Variants in SPOUT1 observed in about 807,000 individuals in gnomAD.
The protein encoded by SPOUT1 is 28S rRNA (uridine-N(3))-methyltransferase.
A neutral mutation model predicts 54.8 loss-of-function variants in SPOUT1; 40 were observed. The observed-to-expected ratio is 0.73, with a 90% CI of 0.57 to 0.95. SPOUT1 has a LOEUF of 0.95. Among genes scored for constraint, SPOUT1 ranks in the 40% least tolerant of loss-of-function variants. The probability of loss-of-function intolerance (pLI) is 0.00; values close to 1 mark genes in which losing one functional copy is unlikely to be tolerated. For missense variants in SPOUT1, 437 were observed against 499.5 expected, an observed-to-expected ratio of 0.87 and a Z score of 1.19; for synonymous variants, 193 against 200.3, an observed-to-expected ratio of 0.96 and a Z score of 0.31.
rs761693429 is a variant in SPOUT1 at position 128,822,399 on chromosome 9, ACTT to A, written c.*363_*365del. 1.9e-6 allele frequency: 3 copies of A among 1,612,746 alleles called. No individual in the cohort carries two copies. Among genetic ancestry groups the A allele is most frequent in the Non-Finnish European group, 2.5e-6 (3 of 1,179,524 alleles). On this transcript the variant is annotated 3_prime_UTR_variant, in exon 12 of 12. Coordinates refer to ENST00000361256, the MANE Select transcript of SPOUT1 (RefSeq NM_016390.4). ...AAGAACCACGTGGCAGTGCCCACAC[ACTT>A]CTTCAAGGTGCTGATCCTGGAGGCA...
Position 128,823,684 on chromosome 9 carries a change from C to T in SPOUT1, c.1062+63G>A. 6 of 1,468,086 alleles carry T rather than the reference C, an allele frequency of 4.1e-6. No homozygotes were observed. The Middle Eastern group carries it at 7.1e-4, about 175-fold the overall frequency. The allele number at this position is 1,468,086 out of a possible 1,614,324, so 90.9% of individuals were successfully genotyped here. A position where few individuals can be genotyped will look rare whatever the true frequency, so the allele number is the denominator to read the frequency against. On this transcript the variant is annotated intron_variant, in intron 11 of 11. Coordinates refer to ENST00000361256, the MANE Select transcript of SPOUT1 (RefSeq NM_016390.4). ...GGTGGGTGACAGGGCAAGAGTAGCA[C>T]CCGCCCCTCGGACAGATCCCAAGGC...
At position 128,820,738 on chromosome 9, in the gene SPOUT1, G is replaced by C. The variant is rs535536814; in HGVS notation, c.*2027C>G. The C allele has an allele frequency of 1.2e-5, 20 of 1,607,762 alleles. No homozygotes were observed. Among genetic ancestry groups the C allele is most frequent in the Non-Finnish European group, 1.6e-5 (19 of 1,176,850 alleles). On this transcript the variant is annotated 3_prime_UTR_variant, in exon 12 of 12. Transcript: ENST00000361256. ...CTGCTAAGCCCTATCTCTCCTACCA[G>C]GTGCCCCACCTCAACCAGAATGCCT... is the stretch of plus-strand genomic sequence containing the variant.
chr9:128,823,653 G>T, intron 11 of SPOUT1, 94 bp downstream of exon 11: 1 of 1,192,828 alleles, frequency 8.4e-7, no homozygotes, highest in Non-Finnish European at 1.2e-6. Context: ...GGCAGCCACG[G>T]GCAAGGGTGG....
Position 128,821,751 on chromosome 9 carries a change from C to A in SPOUT1, c.*1014G>T, listed in dbSNP as rs1196433183. ...GGTGCTGTGGGCAAATGACCTGTGT[C>A]CCCCTCTGCAAAACCTGTGACCTCT... On this transcript the variant is annotated 3_prime_UTR_variant, in exon 12 of 12. Transcript: ENST00000361256. 1.2e-5 allele frequency: 2 copies of A among 162,886 alleles called. No homozygotes were observed. The highest frequency in any genetic ancestry group is 4.8e-5 in the African/African-American group (2 of 41,506). The allele number at this position is 162,886 out of a possible 1,614,324, so 10.1% of individuals were successfully genotyped here. A position where few individuals can be genotyped will look rare whatever the true frequency, so the allele number is the denominator to read the frequency against.
chr9:128,820,627 G>A lies in SPOUT1; in HGVS notation c.*2138C>T, dbSNP rs1486945942. On this transcript the variant is annotated 3_prime_UTR_variant, in exon 12 of 12. Coordinates refer to ENST00000361256, the MANE Select transcript of SPOUT1 (RefSeq NM_016390.4). ...CTTGAGCCTCAGTTTCCCCCCGCTT[G>A]TCTCACTGGATATCTCTGAGCCTGT... The A allele has an allele frequency of 3.6e-6, 3 of 844,378 alleles. No individual in the cohort carries two copies. The highest frequency in any genetic ancestry group is 5.7e-6 in the Non-Finnish European group (3 of 526,232). The allele number at this position is 844,378 out of a possible 1,614,324, so 52.3% of individuals were successfully genotyped here.
chr9:128,826,632 GGA>G lies in SPOUT1; in HGVS notation c.369-5_369-4del, dbSNP rs753453349. The G allele has an allele frequency of 7.7e-5, 118 of 1,542,106 alleles. No individual in the cohort carries two copies. Among genetic ancestry groups the G allele is most frequent in the Middle Eastern group, 3.5e-4 (2 of 5,756 alleles). On this transcript the variant is annotated splice_region_variant and splice_polypyrimidine_tract_variant and intron_variant, in intron 4 of 11. Coordinates refer to ENST00000361256, the MANE Select transcript of SPOUT1 (RefSeq NM_016390.4). This position sits in a 1 kb window ranked among gnomAD's most constrained non-coding sequence, Gnocchi z 5.5. ...CTGTGAATTCCCCCTCCACAGTCCT[GGA>G]GAGAGAGAGATGGGGGCTCAGGATC...
chr9:128,824,165 AAC>A lies in SPOUT1; in HGVS notation c.819_820del (p.Phe274CysfsTer2), dbSNP rs1488794080. 6.2e-7 allele frequency: 1 copy of A among 1,610,880 alleles called. No homozygotes were observed. The highest frequency in any genetic ancestry group is 8.5e-7 in the Non-Finnish European group (1 of 1,177,790). ...CCCATCTTGGAAGGGGGCCTCAGCA[AAC>A]ACAGCACCTGGGGGTGGGGCCAGCT... On this transcript the variant is annotated frameshift_variant, in exon 10 of 12. Coordinates refer to ENST00000361256, the MANE Select transcript of SPOUT1 (RefSeq NM_016390.4). LOFTEE classifies it high-confidence loss of function.
At chr9:128,828,334 A>G (rs535686881) in intron 3 of SPOUT1, among the ~76,000 whole-genome samples, 2 of 152,248 alleles carry the variant, frequency 1.3e-5, no homozygotes, top group East Asian at 3.9e-4. Flanking sequence ...CGTCTCTACT[A>G]AAAATACGAA....
rs1439316007 is a variant in SPOUT1 at position 128,827,021 on chromosome 9, T to C, written c.368+11A>G. On this transcript the variant is annotated intron_variant, in intron 4 of 11. Coordinates refer to ENST00000361256, the MANE Select transcript of SPOUT1 (RefSeq NM_016390.4). ...CCCTGAACCCTGGCACCCTGTGGGA[T>C]GGCCCCTTACTTGGCATCCTGGCCC... is the stretch of plus-strand genomic sequence containing the variant. 6.2e-7 allele frequency: 1 copy of C among 1,612,786 alleles called. No individual in the cohort carries two copies. The highest frequency in any genetic ancestry group is 1.7e-5 in the Admixed American group (1 of 59,960).
In SPOUT1 at chr9:128,824,827, G is replaced by A. The variant is rs1310106618; in HGVS notation, c.755C>T (p.Pro252Leu). 6.2e-7 allele frequency: 1 copy of A among 1,614,012 alleles called. No homozygotes were observed. The highest frequency in any genetic ancestry group is 8.5e-7 in the Non-Finnish European group (1 of 1,180,008). Reference protein sequence around the residue: ...YHGKVVSSQDPRTKAGLYWGY... With the variant: ...YHGKVVSSQDLRTKAGLYWGY... ...CCAGTAGAGACCAGCTTTGGTGCGA[G>A]GGTCCTGCGATGATACCACTTTGCC... Residue 252 changes from proline to leucine, a missense_variant, in exon 9 of 12, where the codon CCT becomes CTT. Pro to Leu is a moderately conservative substitution (Grantham distance 98). Transcript: ENST00000361256.
At position 128,829,733 on chromosome 9, in the gene SPOUT1, G is replaced by A. The variant is rs1365151293; in HGVS notation, c.36+12C>T. On this transcript the variant is annotated intron_variant, in intron 1 of 11. Transcript: ENST00000361256. ...ATGCTGCCCTGCACGGGGTCCCGCC[G>A]CCCGCACTTACCGGGCCGCACGGCC... 2.5e-6 allele frequency: 4 copies of A among 1,594,134 alleles called. No homozygotes were observed. In the Admixed American group the frequency reaches 7.0e-5, roughly 28 times the overall value.
Position 128,826,633 on chromosome 9 carries a change from G to A in SPOUT1, c.369-4C>T, listed in dbSNP as rs753703372. The A allele has an allele frequency of 1.3e-6, 2 of 1,519,560 alleles. No individual in the cohort carries two copies. Among genetic ancestry groups the A allele is most frequent in the Non-Finnish European group, 1.8e-6 (2 of 1,124,974 alleles). The allele number at this position is 1,519,560 out of a possible 1,614,324, so 94.1% of individuals were successfully genotyped here. A position where few individuals can be genotyped will look rare whatever the true frequency, so the allele number is the denominator to read the frequency against. On this transcript the variant is annotated splice_polypyrimidine_tract_variant and splice_region_variant and intron_variant, in intron 4 of 11. Coordinates refer to ENST00000361256, the MANE Select transcript of SPOUT1 (RefSeq NM_016390.4). The surrounding 1 kb of genome is among the most constrained non-coding windows in gnomAD (Gnocchi z 5.5). ...TGTGAATTCCCCCTCCACAGTCCTG[G>A]AGAGAGAGAGATGGGGGCTCAGGAT...
At chr9:128,827,626 T>C (rs1162861792) in intron 3 of SPOUT1, among the ~76,000 whole-genome samples, 1 of 152,236 alleles carries the variant, frequency 6.6e-6, no homozygotes, top group Non-Finnish European at 1.5e-5. Context: ...GTCAAATACA[T>C]GGCCCAAGGT....
At position 128,826,701 on chromosome 9, in the gene SPOUT1, C is replaced by T. The variant is rs573686223; in HGVS notation, c.369-72G>A. 1.1e-5 allele frequency: 12 copies of T among 1,092,780 alleles called. No homozygotes were observed. Among genetic ancestry groups the T allele is most frequent in the South Asian group, 4.6e-5 (3 of 64,766 alleles). The allele number at this position is 1,092,780 out of a possible 1,614,324, so 67.7% of individuals were successfully genotyped here. A position where few individuals can be genotyped will look rare whatever the true frequency, so the allele number is the denominator to read the frequency against. On this transcript the variant is annotated intron_variant, in intron 4 of 11. Coordinates refer to ENST00000361256, the MANE Select transcript of SPOUT1 (RefSeq NM_016390.4). This position sits in a 1 kb window ranked among gnomAD's most constrained non-coding sequence, Gnocchi z 5.5. Reference sequence around the variant, plus strand: ...AAGAGCTCCTGTCTACAAGTGCACGCGTATAATCCCAGCTACTCAGGAGGC... The same window carrying T: ...AAGAGCTCCTGTCTACAAGTGCACGTGTATAATCCCAGCTACTCAGGAGGC...
chr9:128,829,665 C>G, intron 1 of SPOUT1, 80 bp downstream of exon 1: 1 of 1,135,094 alleles, frequency 8.8e-7, no homozygotes, highest in Non-Finnish European at 1.3e-6. Flanking sequence ...CGCGGCCCGG[C>G]CCCGGCGAAG....
rs760262245 is a variant in SPOUT1, at chr9:128,824,065, T to C, written c.914+7A>G. On this transcript the variant is annotated splice_region_variant and intron_variant, in intron 10 of 11. Transcript: ENST00000361256. ...CTGCCCTGGCCGCAGCCCCAGGAGG[T>C]ACACACCTGAAGTTGGGAAGCTGGG... is the stretch of plus-strand genomic sequence containing the variant. 6 of 1,610,424 alleles carry C rather than the reference T, an allele frequency of 3.7e-6. No individual in the cohort carries two copies. The Admixed American group carries it at 1.0e-4, about 27-fold the overall frequency.
chr9:128,823,528 AC>A (rs964144939), intron 11 of SPOUT1, among the ~76,000 whole-genome samples: 27 of 152,140 alleles, frequency 1.8e-4, no homozygotes, highest in African/African-American at 6.3e-4. Flanking sequence ...CCCCTGGGTC[AC>A]CCAGTCTGGG....
chr9:128,824,771 T>C lies in SPOUT1; in HGVS notation c.811A>G (p.Ser271Gly). Residue 271 changes from serine (S) to glycine (G), a missense_variant and splice_region_variant, in exon 9 of 12, where the codon AGT (serine) becomes GGT (glycine). By Grantham distance (56) the Ser-to-Gly change is moderately conservative. Transcript: ENST00000361256. ...GYTVRLASCLSAVFAEAPFQD... is the reference protein window; with the variant it reads ...GYTVRLASCLGAVFAEAPFQD... Reference sequence around the variant, plus strand: ...TCAGAGAAGTAAGGTCTGTCCTTACTGAGGCAGGAAGCCAGTCGGACGGTG... The same window carrying C: ...TCAGAGAAGTAAGGTCTGTCCTTACCGAGGCAGGAAGCCAGTCGGACGGTG... The C allele has an allele frequency of 1.2e-6, 2 of 1,611,028 alleles. No individual in the cohort carries two copies. Among genetic ancestry groups the C allele is most frequent in the South Asian group, 1.1e-5 (1 of 91,040 alleles).
At position 128,828,800 on chromosome 9, in the gene SPOUT1, C is replaced by T. The variant is rs779821710; in HGVS notation, c.143G>A (p.Arg48Gln). The T allele has an allele frequency of 6.2e-7, 1 of 1,614,196 alleles. No individual in the cohort carries two copies. Among genetic ancestry groups the T allele is most frequent in the Non-Finnish European group, 8.5e-7 (1 of 1,180,026 alleles). The change falls in exon 3 of 12, where the codon CGG (arginine) becomes CAG (glutamine). Residue 48 changes from arginine (R) to glutamine (Q), a missense_variant. Physicochemically the swap from Arg to Gln is conservative, Grantham distance 43. Transcript: ENST00000361256. Reference sequence around the variant, plus strand: ...GCGCTTTGCCTGTTCCTCCTGTGCCCGCTGCCGCTCCAGTTTTTTCATCAG... The same window carrying T: ...GCGCTTTGCCTGTTCCTCCTGTGCCTGCTGCCGCTCCAGTTTTTTCATCAG... ...LKLMKKLERQ[R>Q]AQEEQAKRLE...
Sources: allele counts gnomAD v4.1 joint callset (sites outside exome capture counted in the v4.1 genomes callset), GRCh38; gene constraint gnomAD v4.1.1; non-coding constraint Gnocchi (gnomAD v3.1); transcripts MANE v1.5; gene names NCBI Gene and HGNC (gene_info 2026-07-23, HGNC 2026-07-21).